Variants in CBFA2T2 observed in about 807,000 individuals in gnomAD.
CBFA2T2 encodes protein CBFA2T2.
A neutral mutation model predicts 62.2 loss-of-function variants in CBFA2T2; 11 were observed. That is an observed-to-expected ratio of 0.18 (90% CI 0.11 to 0.29). The LOEUF (loss-of-function observed/expected upper bound fraction) is 0.29. Ranked by LOEUF, CBFA2T2 falls within the 10% of genes least tolerant of loss-of-function variation. The pLI is 1.00. For missense variants in CBFA2T2, 592 were observed against 774.1 expected (o/e 0.76, Z 2.79); for synonymous variants, 295 against 287.5 (o/e 1.03, Z -0.27).
rs1462058907 is a variant in CBFA2T2, at chr20:33,645,574, C to G, written c.*928C>G. On this transcript the variant is annotated 3_prime_UTR_variant, in exon 11 of 11. Coordinates refer to ENST00000342704, the MANE Select transcript of CBFA2T2 (RefSeq NM_001032999.3). ...CTGTGTCCTTTTATCTCTCAGACCA[C>G]ACACATCTGGAACGCTGTGGGCATC... 1 of 152,186 alleles carries G rather than the reference C, an allele frequency of 6.6e-6. No individual in the cohort carries two copies. Among genetic ancestry groups the G allele is most frequent in the Non-Finnish European group, 1.5e-5 (1 of 68,038 alleles). 9.4% of individuals were successfully genotyped at this position (152,186 alleles called of 1,614,324 possible).
At chr20:33,523,936 G>A (rs554636929) in intron 1 of CBFA2T2, among the ~76,000 whole-genome samples, 15 of 151,982 alleles carry the variant, frequency 9.9e-5, no homozygotes, top group African/African-American at 3.4e-4. Flanking sequence ...CGCCCGCCTC[G>A]GCCTCCCAAA....
intron 1 of CBFA2T2, among the ~76,000 whole-genome samples, chr20:33,494,322 C>A (rs2011177373): frequency 1.0e-5 from 1 of 99,150 alleles, no homozygotes. Context: ...CGCTCTGTTG[C>A]CCAGGCTGGA....
intron 1 of CBFA2T2, among the ~76,000 whole-genome samples, chr20:33,514,319 A>G (rs1483520462): frequency 2.0e-5 from 3 of 146,520 alleles, no homozygotes; most frequent in African/African-American, 7.6e-5. Context: ...GGTTCAAACG[A>G]TTCTCCTGCC....
At chr20:33,621,287 CTTTTT>C (rs199805350) in intron 4 of CBFA2T2, among the ~76,000 whole-genome samples, 2,204 of 85,090 alleles carry the variant, frequency 0.026, 60 homozygotes, top group African/African-American at 0.11. Context: ...ATTTTACTGC[CTTTTT>C]TTTTTTTTTT....
At chr20:33,604,585 A>G (rs1039160809) in intron 1 of CBFA2T2, among the ~76,000 whole-genome samples, 1 of 152,208 alleles carries the variant, frequency 6.6e-6, no homozygotes, top group Non-Finnish European at 1.5e-5. Flanking sequence ...TTGGCCCACT[A>G]TCAAAGCTTT....
chr20:33,603,108 G>A (rs984884860), intron 1 of CBFA2T2, among the ~76,000 whole-genome samples: 8 of 152,186 alleles, frequency 5.3e-5, no homozygotes, highest in Non-Finnish European at 1.2e-4. Flanking sequence ...TTGGGTGACT[G>A]TAGGTAACTG....
At chr20:33,536,297 G>T (rs935441057) in intron 1 of CBFA2T2, among the ~76,000 whole-genome samples, 2 of 144,854 alleles carry the variant, frequency 1.4e-5, no homozygotes, top group Admixed American at 6.9e-5. Context: ...CCGGGCGGGG[G>T]GCTGACCCCC....
chr20:33,581,932 C>T (rs2014136265), intron 1 of CBFA2T2, among the ~76,000 whole-genome samples: 1 of 152,128 alleles, frequency 6.6e-6, no homozygotes, highest in South Asian at 2.1e-4. Context: ...GGAAAGGAAT[C>T]TTAGTTTTCG....
chr20:33,517,442 T>G (rs1019349146), intron 1 of CBFA2T2, among the ~76,000 whole-genome samples: 5 of 149,444 alleles, frequency 3.3e-5, no homozygotes, highest in Non-Finnish European at 7.4e-5. Context: ...GTTTTTTTGG[T>G]TTTTTTGGTG....
At chr20:33,515,410 G>T (rs1321856253) in intron 1 of CBFA2T2, among the ~76,000 whole-genome samples, 1 of 150,810 alleles carries the variant, frequency 6.6e-6, no homozygotes, top group East Asian at 2.0e-4. Context: ...CGGAAAACGT[G>T]TCCTTGGCCA....
chr20:33,507,169 T>C (rs189504524), intron 1 of CBFA2T2, among the ~76,000 whole-genome samples: 340 of 152,332 alleles, frequency 2.2e-3, no homozygotes, highest in South Asian at 4.6e-3. Context: ...CTAAAAGTTA[T>C]TGATTTTCTA....
intron 1 of CBFA2T2, chr20:33,562,323 C>T (rs1048828317): frequency 6.2e-5 from 60 of 960,300 alleles, no homozygotes; most frequent in Admixed American, 2.5e-4. Context: ...GCCCTGGTAA[C>T]AGGGAGGGTT....
chr20:33,494,465 T>C (rs559523723), intron 1 of CBFA2T2, among the ~76,000 whole-genome samples: 13 of 149,922 alleles, frequency 8.7e-5, no homozygotes, highest in Non-Finnish European at 1.9e-4. Context: ...GTATTTTTGG[T>C]AGAGGCGGGG....
intron 1 of CBFA2T2, among the ~76,000 whole-genome samples, chr20:33,531,578 C>G (rs1304572071): frequency 6.6e-6 from 1 of 152,226 alleles, no homozygotes; most frequent in Non-Finnish European, 1.5e-5. Flanking sequence ...TGGACCTGAT[C>G]TCTTCCTGTG....
chr20:33,566,545 G>A (rs1008586953), intron 1 of CBFA2T2, among the ~76,000 whole-genome samples: 5 of 152,026 alleles, frequency 3.3e-5, no homozygotes, highest in African/African-American at 9.7e-5. Flanking sequence ...GGCGGAAGTT[G>A]CAGGGAGCTG....
At chr20:33,542,031 A>ATAC (rs2012421731) in intron 1 of CBFA2T2, among the ~76,000 whole-genome samples, 1 of 152,204 alleles carries the variant, frequency 6.6e-6, no homozygotes, top group Admixed American at 6.5e-5. Flanking sequence ...GGCATGAGCC[A>ATAC]CTACACCTAG....
chr20:33,552,637 C>G (rs1284567091), intron 1 of CBFA2T2, among the ~76,000 whole-genome samples: 1 of 152,122 alleles, frequency 6.6e-6, no homozygotes, highest in Non-Finnish European at 1.5e-5. Context: ...AATAAGATAG[C>G]CTTTGTTGTC....
intron 1 of CBFA2T2, among the ~76,000 whole-genome samples, chr20:33,501,480 G>A (rs2011278242): frequency 6.6e-6 from 1 of 152,002 alleles, no homozygotes; most frequent in Non-Finnish European, 1.5e-5. Flanking sequence ...CTGAGATTAG[G>A]GAAATGCAGA....
chr20:33,532,843 G>T (rs542968709), intron 1 of CBFA2T2, among the ~76,000 whole-genome samples: 5 of 152,292 alleles, frequency 3.3e-5, no homozygotes, highest in African/African-American at 1.2e-4. Context: ...ATGAGCTATT[G>T]TGCTGCCTGG....
Sources: allele counts gnomAD v4.1 joint callset (sites outside exome capture counted in the v4.1 genomes callset), GRCh38; gene constraint gnomAD v4.1.1; transcripts MANE v1.5; gene names NCBI Gene and HGNC (gene_info 2026-07-23, HGNC 2026-07-21).